The following ANKFY1 variants were observed in gnomAD, a reference collection of about 807,000 sequenced individuals.
ANKFY1 encodes ankyrin repeat and FYVE domain-containing protein 1.
A neutral mutation model predicts 128.3 loss-of-function variants in ANKFY1; 47 were observed. That is an observed-to-expected ratio of 0.37 (90% confidence interval 0.29 to 0.47). The LOEUF (loss-of-function observed/expected upper bound fraction) is 0.47. Ranked by LOEUF, ANKFY1 falls within the 20% of genes least tolerant of loss-of-function variation. ANKFY1 has a pLI of 1.00. For synonymous variants in ANKFY1, 553 were observed against 601.6 expected (o/e 0.92, Z 1.18); for missense variants, 1,222 against 1,510.6 (o/e 0.81, Z 3.17).
intron 4 of ANKFY1, among the ~76,000 whole-genome samples, chr17:4,211,224 C>G (rs534019865): frequency 6.6e-6 from 1 of 151,596 alleles, no homozygotes; most frequent in African/African-American, 2.4e-5. Flanking sequence ...GGCAACATAG[C>G]GAAACCCCGT....
rs534042546 is a variant in ANKFY1 at position 4,217,140 on chromosome 17, A to C, written c.323-22T>G. ...GCATCTGGTTAAAGAAAGAGAGAAC[A>C]ACTGAAAAAGCATAGAATGACATGC... On this transcript the variant is annotated intron_variant, in intron 3 of 24. Coordinates refer to ENST00000341657, the MANE Select transcript of ANKFY1 (RefSeq NM_001330063.2). 1.9e-6 allele frequency: 3 copies of C among 1,603,958 alleles called. No homozygotes were observed. In the East Asian group the frequency reaches 6.7e-5, roughly 36 times the overall value.
intron 1 of ANKFY1, among the ~76,000 whole-genome samples, chr17:4,243,652 T>C (rs1216791163): frequency 1.3e-5 from 2 of 152,150 alleles, no homozygotes; most frequent in East Asian, 3.9e-4. Flanking sequence ...AACATTCTTA[T>C]TCCAGGGTCT....
chr17:4,197,492 G>C lies in ANKFY1; in HGVS notation c.984C>G (p.His328Gln). ...ATLGAQETPL[H>Q]LVALYSSKKH... is the part of the protein sequence containing the mutation. ...TCTTTGAACTGTACAAGGCCACAAG[G>C]TGCAGTGGTGTCTCCTGGGCACCCA... Residue 328 changes from histidine (H) to glutamine (Q), a missense_variant, in exon 8 of 25, where the codon CAC (histidine) becomes CAG (glutamine). Coordinates refer to ENST00000341657, the MANE Select transcript of ANKFY1 (RefSeq NM_001330063.2). The C allele has an allele frequency of 6.2e-7, 1 of 1,614,196 alleles. No homozygotes were observed. Among genetic ancestry groups the C allele is most frequent in the Non-Finnish European group, 8.5e-7 (1 of 1,180,038 alleles).
Position 4,214,853 on chromosome 17 carries a change from A to G in ANKFY1, c.458+2130T>C, listed in dbSNP as rs115016330. Among the ~76,000 whole-genome samples the G allele has an allele frequency of 5.9e-3, 900 of 152,374 alleles. 10 individuals are homozygous for G. Among genetic ancestry groups the G allele is most frequent in the African/African-American group, 0.021 (856 of 41,582 alleles). On this transcript the variant is annotated intron_variant, in intron 4 of 24. Coordinates refer to ENST00000341657, the MANE Select transcript of ANKFY1 (RefSeq NM_001330063.2). ...AAATTATTGAAAAGAAAAATGACAG[A>G]AGGTAAACAATGATTTAGTTACAAA...
Position 4,243,518 on chromosome 17 carries a change from C to T in ANKFY1, c.11-1070G>A, listed in dbSNP as rs565976211. Reference sequence around the variant, plus strand: ...AGCTTCATGTCATCTTCATGACAAGCCTATGAGGTAGGTACTGCTGTATAC... The same window carrying T: ...AGCTTCATGTCATCTTCATGACAAGTCTATGAGGTAGGTACTGCTGTATAC... On this transcript the variant is annotated intron_variant, in intron 1 of 24. Coordinates refer to ENST00000341657, the MANE Select transcript of ANKFY1 (RefSeq NM_001330063.2). Among the ~76,000 whole-genome samples, 3 of 152,262 alleles carry T rather than the reference C, an allele frequency of 2.0e-5. No homozygotes were observed. The East Asian group carries it at 5.8e-4, about 29-fold the overall frequency.
chr17:4,208,788 C>T (rs1280145755), intron 5 of ANKFY1, among the ~76,000 whole-genome samples: 2 of 152,178 alleles, frequency 1.3e-5, no homozygotes, highest in African/African-American at 4.8e-5. Context: ...GGCGCAGTGG[C>T]TCACGCCTGT....
At chr17:4,205,509 A>G (rs2053257) in intron 7 of ANKFY1, among the ~76,000 whole-genome samples, 139,520 of 152,150 alleles carry the variant, frequency 0.92, 65,188 homozygotes, top group East Asian at 1. Flanking sequence ...TTGGGAGGCC[A>G]AGGTGGGTGG....
At chr17:4,228,860 G>C (rs553467040) in intron 3 of ANKFY1, among the ~76,000 whole-genome samples, 1 of 152,172 alleles carries the variant, frequency 6.6e-6, no homozygotes, top group African/African-American at 2.4e-5. Flanking sequence ...AAACCAAACT[G>C]ACAGGCAGCA....
At position 4,169,854 on chromosome 17, in the gene ANKFY1, A is replaced by G. The variant is rs2059282146; in HGVS notation, c.3287-566T>C. 6.6e-6 allele frequency among the ~76,000 whole-genome samples: 1 copy of G among 152,176 alleles called. No homozygotes were observed. The highest frequency in any genetic ancestry group is 2.4e-5 in the African/African-American group (1 of 41,440). On this transcript the variant is annotated intron_variant, in intron 23 of 24. Coordinates refer to ENST00000341657, the MANE Select transcript of ANKFY1 (RefSeq NM_001330063.2). This position sits in a 1 kb window ranked among gnomAD's most constrained non-coding sequence, Gnocchi z 5.0. Reference sequence around the variant, plus strand: ...GTTACTAATGCAGACAGGAATGACAATCACTTGGATTTACTGGCTGAACTC... The same window carrying G: ...GTTACTAATGCAGACAGGAATGACAGTCACTTGGATTTACTGGCTGAACTC...
Position 4,169,165 on chromosome 17 carries a change from C to A in ANKFY1, c.3377+33G>T. The A allele has an allele frequency of 6.5e-7, 1 of 1,529,386 alleles. No homozygotes were observed. Among genetic ancestry groups the A allele is most frequent in the African/African-American group, 1.4e-5 (1 of 72,718 alleles). 94.7% of individuals were successfully genotyped at this position (1,529,386 alleles called of 1,614,324 possible). A position where few individuals can be genotyped will look rare whatever the true frequency, so the allele number is the denominator to read the frequency against. ...GAAGCAATGACATCAGCGGCAGTCC[C>A]CTCGCTCCTTGCCAGTGACGCTGGG... On this transcript the variant is annotated intron_variant, in intron 24 of 24. Transcript: ENST00000341657. This position sits in a 1 kb window ranked among gnomAD's most constrained non-coding sequence, Gnocchi z 5.0.
At chr17:4,256,063 G>T (rs370258270) in intron 1 of ANKFY1, among the ~76,000 whole-genome samples, 4 of 151,908 alleles carry the variant, frequency 2.6e-5, no homozygotes, top group African/African-American at 9.7e-5. Context: ...TGACCTGCCC[G>T]CCTCGGCCTC....
At chr17:4,221,969 G>A (rs1470181609) in intron 3 of ANKFY1, 1 of 152,262 alleles carries the variant, frequency 6.6e-6, no homozygotes, top group East Asian at 1.9e-4. Context: ...CCCTATTCCG[G>A]ACGATGCCGC....
At chr17:4,205,895 C>A (rs2060014224) in intron 7 of ANKFY1, among the ~76,000 whole-genome samples, 1 of 152,160 alleles carries the variant, frequency 6.6e-6, no homozygotes, top group African/African-American at 2.4e-5. Context: ...AGAGGCCTAG[C>A]CTGTTAAAGT....
rs763515825 is a variant in ANKFY1, at chr17:4,209,914, G to C, written c.492C>G (p.Val164=). ...CEKGVMSLVN[V]RNCIRFYQTA... ...TCTGGTAGAAGCGAATACAGTTCCT[G>C]ACATTCACTAGAGACATAACACCCT... The change falls in exon 5 of 25, where the codon GTC becomes GTG. Residue 164 remains valine (V), a synonymous_variant. Transcript: ENST00000341657. 3 of 1,613,608 alleles carry C rather than the reference G, an allele frequency of 1.9e-6. No individual in the cohort carries two copies. Among genetic ancestry groups the C allele is most frequent in the African/African-American group, 2.7e-5 (2 of 74,920 alleles).
intron 4 of ANKFY1, 128 bp downstream of exon 4, chr17:4,216,855 A>T (rs773603912): frequency 7.7e-7 from 1 of 1,296,962 alleles, no homozygotes; most frequent in East Asian, 2.5e-5. Context: ...TGTCCCCAGC[A>T]TCGCCTTTAA....
At position 4,226,048 on chromosome 17, in the gene ANKFY1, C is replaced by A. The variant is rs921432412; in HGVS notation, c.323-8930G>T. On this transcript the variant is annotated intron_variant, in intron 3 of 24. Transcript: ENST00000341657. ...CAAGTGTGGGATTACAGGCGTGAGCCACTGAACTTGGCAAAAATTATTTTA... is the reference window on the plus strand; with the variant it reads ...CAAGTGTGGGATTACAGGCGTGAGCAACTGAACTTGGCAAAAATTATTTTA... Among the ~76,000 whole-genome samples the A allele has an allele frequency of 5.8e-4, 88 of 152,284 alleles. 1 individual carries two copies. The highest frequency in any genetic ancestry group is 9.6e-4 in the East Asian group (5 of 5,188).
intron 11 of ANKFY1, chr17:4,187,973 T>C (rs1423220699): frequency 6.6e-6 from 1 of 152,096 alleles, no homozygotes; most frequent in African/African-American, 2.4e-5. Context: ...CAGCAGAAGA[T>C]TTTAAGTTAG....
intron 10 of ANKFY1, among the ~76,000 whole-genome samples, chr17:4,194,103 A>ATT (rs796921017): frequency 4.3e-4 from 47 of 108,156 alleles, no homozygotes; most frequent in African/African-American, 1.7e-3. Context: ...ATATATATAT[A>ATT]TTTTTTTTTT....
chr17:4,255,160 C>T (rs976530315), intron 1 of ANKFY1, among the ~76,000 whole-genome samples: 2 of 152,108 alleles, frequency 1.3e-5, no homozygotes, highest in African/African-American at 4.8e-5. Flanking sequence ...TCACATCACC[C>T]TGGCATTTCC....
Sources: allele counts gnomAD v4.1 joint callset (sites outside exome capture counted in the v4.1 genomes callset), GRCh38; gene constraint gnomAD v4.1.1; non-coding constraint Gnocchi (gnomAD v3.1); transcripts MANE v1.5; gene names NCBI Gene and HGNC (gene_info 2026-07-23, HGNC 2026-07-21).